The following GUCY1A2 variants were observed in gnomAD, a reference collection of about 807,000 sequenced individuals.
GUCY1A2 encodes the protein guanylate cyclase 1 soluble subunit alpha 2, also known as guanylate cyclase soluble subunit alpha-2.
In GUCY1A2, 27 loss-of-function variants were observed where a neutral mutation model predicts 63.5. That is an observed-to-expected ratio of 0.43 (90% CI 0.31 to 0.59). The LOEUF (loss-of-function observed/expected upper bound fraction) is 0.59, where lower values mean the gene tolerates loss of function less well. Among genes scored for constraint, GUCY1A2 ranks in the 20% least tolerant of loss-of-function variants. The pLI, the probability that GUCY1A2 is intolerant of heterozygous loss-of-function variation, is 0.11. For synonymous variants in GUCY1A2, 364 were observed against 343.5 expected, an observed-to-expected ratio of 1.06 and a Z score of -0.66; for missense variants, 768 against 913.3, an observed-to-expected ratio of 0.84 and a Z score of 2.05.
intron 6 of GUCY1A2, among the ~76,000 whole-genome samples, chr11:106,733,645 C>CAGACACA (rs1189336939): frequency 1.3e-5 from 2 of 152,086 alleles, no homozygotes; most frequent in Non-Finnish European, 2.9e-5. Flanking sequence ...AGATACGGAG[C>CAGACACA]AGACACATGA....
At chr11:106,826,480 T>G in intron 4 of GUCY1A2, 1 of 1,598,598 alleles carries the variant, frequency 6.3e-7, no homozygotes, top group Non-Finnish European at 8.6e-7. Flanking sequence ...GATTAGGTTT[T>G]CAAATGTTTC....
chr11:106,709,315 A>G (rs1295845033), intron 6 of GUCY1A2, among the ~76,000 whole-genome samples: 2 of 76,482 alleles, frequency 2.6e-5, no homozygotes, highest in Non-Finnish European at 4.3e-5. Flanking sequence ...ATTTATATAT[A>G]TTTATATATA....
chr11:106,708,436 CAG>C, intron 7 of GUCY1A2, 74 bp downstream of exon 7: 1 of 1,149,628 alleles, frequency 8.7e-7, no homozygotes, highest in East Asian at 2.6e-5. Context: ...AGAAAAAGAA[CAG>C]GGACTCACAG....
In GUCY1A2 at chr11:106,758,588, T is replaced by C. The variant is rs983423448; in HGVS notation, c.1836+17851A>G. Among the ~76,000 whole-genome samples the C allele has an allele frequency of 3.4e-4, 52 of 152,186 alleles. 1 individual carries two copies. Among genetic ancestry groups the C allele is most frequent in the Non-Finnish European group, 1.5e-4 (10 of 68,028 alleles). ...AAATCATCCATCTTCTGCATTGATCTCACTGGGAGCTGCAGACCACCACTG... is the reference window on the plus strand; with the variant it reads ...AAATCATCCATCTTCTGCATTGATCCCACTGGGAGCTGCAGACCACCACTG... On this transcript the variant is annotated intron_variant, in intron 6 of 7. Transcript: ENST00000526355.
chr11:106,859,232 T>C (rs751401305), intron 4 of GUCY1A2, among the ~76,000 whole-genome samples: 1 of 152,008 alleles, frequency 6.6e-6, no homozygotes, highest in Non-Finnish European at 1.5e-5. Flanking sequence ...AGTGAACTGA[T>C]AACTTTAAAC....
intron 7 of GUCY1A2, among the ~76,000 whole-genome samples, chr11:106,705,842 A>G (rs1862900056): frequency 6.6e-6 from 1 of 152,184 alleles, no homozygotes; most frequent in South Asian, 2.1e-4. Context: ...CCTGGGCGAC[A>G]GAGTAAGACT....
intron 4 of GUCY1A2, among the ~76,000 whole-genome samples, chr11:106,838,878 C>T (rs1324920813): frequency 1.3e-5 from 2 of 151,730 alleles, no homozygotes; most frequent in Admixed American, 6.6e-5. Context: ...GGATATTAGC[C>T]CTTTGTCAGA....
At chr11:106,984,155 A>G (rs569418171) in intron 2 of GUCY1A2, among the ~76,000 whole-genome samples, 171 of 152,346 alleles carry the variant, frequency 1.1e-3, no homozygotes, top group Non-Finnish European at 1.9e-3. Context: ...CTTTGTCTGC[A>G]TCAGCATGAA....
intron 3 of GUCY1A2, among the ~76,000 whole-genome samples, chr11:106,947,584 T>C (rs1199816712): frequency 2.0e-5 from 3 of 151,980 alleles, no homozygotes; most frequent in Admixed American, 6.6e-5. Context: ...TATGTAAAAT[T>C]ACAAAAATTG....
chr11:106,799,162 T>G (rs1317905272), intron 5 of GUCY1A2, among the ~76,000 whole-genome samples: 9 of 152,032 alleles, frequency 5.9e-5, no homozygotes. Context: ...TCAAAGAGAA[T>G]AAAATACCTA....
chr11:106,933,017 A>G (rs1450848226), intron 4 of GUCY1A2, among the ~76,000 whole-genome samples: 1 of 152,150 alleles, frequency 6.6e-6, no homozygotes, highest in Non-Finnish European at 1.5e-5. Flanking sequence ...TAAGAATCCT[A>G]GAAGAAAACC....
chr11:106,992,701 A>G (rs1861486848), intron 1 of GUCY1A2, among the ~76,000 whole-genome samples: 1 of 152,208 alleles, frequency 6.6e-6, no homozygotes, highest in South Asian at 2.1e-4. Flanking sequence ...AAATTACAAA[A>G]TCACGTGTAT....
chr11:106,787,643 T>C (rs1864586304), intron 5 of GUCY1A2, among the ~76,000 whole-genome samples: 1 of 132,738 alleles, frequency 7.5e-6, no homozygotes, highest in African/African-American at 2.8e-5. Context: ...GAAGTTTGTC[T>C]TTCTGTGCCT....
intron 6 of GUCY1A2, among the ~76,000 whole-genome samples, chr11:106,720,375 G>A (rs1317662010): frequency 6.6e-6 from 1 of 152,204 alleles, no homozygotes; most frequent in Non-Finnish European, 1.5e-5. Flanking sequence ...TGGTGCTGGG[G>A]TGGAGGGCAT....
chr11:106,817,588 T>C (rs554524583), intron 4 of GUCY1A2, among the ~76,000 whole-genome samples: 2 of 152,160 alleles, frequency 1.3e-5, no homozygotes, highest in Admixed American at 1.3e-4. Flanking sequence ...GGGGAAAATA[T>C]TTGCAAACCA....
intron 3 of GUCY1A2, among the ~76,000 whole-genome samples, chr11:106,963,730 C>G (rs1006478956): frequency 6.6e-6 from 1 of 152,118 alleles, no homozygotes; most frequent in Non-Finnish European, 1.5e-5. Flanking sequence ...GAATTTATAG[C>G]AGCATAAAAA....
intron 4 of GUCY1A2, among the ~76,000 whole-genome samples, chr11:106,883,404 C>T (rs999657687): frequency 1.3e-5 from 2 of 152,040 alleles, no homozygotes; most frequent in Non-Finnish European, 1.5e-5. Flanking sequence ...TTCATTCATT[C>T]AAAAATATCA....
chr11:106,871,287 G>A (rs1306909320), intron 4 of GUCY1A2, among the ~76,000 whole-genome samples: 1 of 152,024 alleles, frequency 6.6e-6, no homozygotes, highest in Non-Finnish European at 1.5e-5. Context: ...ATGAAATGTC[G>A]ACATTAGCGT....
At chr11:106,938,170 C>T (rs892216129) in intron 4 of GUCY1A2, among the ~76,000 whole-genome samples, 7 of 152,060 alleles carry the variant, frequency 4.6e-5, no homozygotes, top group African/African-American at 1.7e-4. Context: ...AAACTCCTGA[C>T]CTCAGGTGAT....
Sources: allele counts gnomAD v4.1 joint callset (sites outside exome capture counted in the v4.1 genomes callset), GRCh38; gene constraint gnomAD v4.1.1; transcripts MANE v1.5; gene names NCBI Gene and HGNC (gene_info 2026-07-23, HGNC 2026-07-21).